UMAD1: variants seen among roughly 807,000 people sequenced by gnomAD.
UMAD1 encodes the protein UBAP1-MVB12-associated (UMA) domain containing 1.
Under a neutral mutation model 6.1 loss-of-function variants are expected in UMAD1, and 8 were observed. That is an observed-to-expected ratio of 1.30 (90% CI 0.76 to 2.35). The LOEUF (loss-of-function observed/expected upper bound fraction) is 2.35. Ranked by LOEUF, UMAD1 falls within the 30% of genes most tolerant of loss-of-function variation. UMAD1 has a pLI of 0.00. For missense variants in UMAD1, 130 were observed against 78.4 expected (o/e 1.66, Z -2.49); for synonymous variants, 56 against 31.4 (o/e 1.78, Z -2.61).
At chr7:7,871,847 A>C (rs938068829) in intron 3 of UMAD1, among the ~76,000 whole-genome samples, 1 of 31,504 alleles carries the variant, frequency 3.2e-5, no homozygotes, top group Non-Finnish European at 4.8e-5. Context: ...GAGAATTGTC[A>C]AAAAAAAAAA....
At chr7:7,706,228 C>T (rs1263485357) in intron 2 of UMAD1, among the ~76,000 whole-genome samples, 3 of 152,056 alleles carry the variant, frequency 2.0e-5, no homozygotes, top group East Asian at 3.9e-4. Context: ...AACGGATAAT[C>T]ACCTTCTGAG....
At chr7:7,869,883 G>A (rs530923714) in intron 3 of UMAD1, among the ~76,000 whole-genome samples, 7 of 152,078 alleles carry the variant, frequency 4.6e-5, no homozygotes, top group South Asian at 2.1e-4. Flanking sequence ...CTGTTGCTCT[G>A]GGGAAGTGAC....
At chr7:7,768,174 AT>A (rs1234021556) in intron 2 of UMAD1, among the ~76,000 whole-genome samples, 1 of 152,162 alleles carries the variant, frequency 6.6e-6, no homozygotes, top group African/African-American at 2.4e-5. Flanking sequence ...ACCCTGGCAG[AT>A]TTATCAAATT....
intron 2 of UMAD1, among the ~76,000 whole-genome samples, chr7:7,801,080 G>C (rs1337094605): frequency 6.6e-6 from 1 of 152,192 alleles, no homozygotes; most frequent in Non-Finnish European, 1.5e-5. Context: ...CTTCAAGCCA[G>C]CCTACTCACC....
At chr7:7,708,699 A>G (rs1022797282) in intron 2 of UMAD1, among the ~76,000 whole-genome samples, 2 of 152,222 alleles carry the variant, frequency 1.3e-5, no homozygotes, top group African/African-American at 2.4e-5. Context: ...ATTATATTTT[A>G]TAATTAGTAA....
intron 2 of UMAD1, among the ~76,000 whole-genome samples, chr7:7,737,987 C>T (rs898381043): frequency 1.3e-5 from 2 of 152,176 alleles, no homozygotes; most frequent in South Asian, 2.1e-4. Context: ...TCCTGCTAGT[C>T]ACCTTAAAAC....
chr7:7,726,718 A>G (rs561383014), intron 2 of UMAD1, among the ~76,000 whole-genome samples: 1 of 152,304 alleles, frequency 6.6e-6, no homozygotes, highest in South Asian at 2.1e-4. Flanking sequence ...TTAGTTCCAG[A>G]GGGAGAAATG....
intron 2 of UMAD1, among the ~76,000 whole-genome samples, chr7:7,715,455 T>C (rs1486177728): frequency 6.6e-6 from 1 of 152,204 alleles, no homozygotes; most frequent in African/African-American, 2.4e-5. Context: ...GGAAGTGCAC[T>C]CTTATTTCAA....
chr7:7,788,244 T>TG (rs1283746315), intron 2 of UMAD1, among the ~76,000 whole-genome samples: 4 of 152,164 alleles, frequency 2.6e-5, no homozygotes, highest in African/African-American at 9.7e-5. Context: ...AAAGCAGACA[T>TG]GCGTTTTATT....
At chr7:7,670,220 A>G (rs1779572131) in intron 1 of UMAD1, among the ~76,000 whole-genome samples, 1 of 152,200 alleles carries the variant, frequency 6.6e-6, no homozygotes, top group Admixed American at 6.5e-5. Context: ...TATTAAAACT[A>G]CTTTTGTGAT....
chr7:7,814,718 C>T (rs1783091023), intron 3 of UMAD1, among the ~76,000 whole-genome samples: 1 of 152,072 alleles, frequency 6.6e-6, no homozygotes, highest in Non-Finnish European at 1.5e-5. Flanking sequence ...GCTCCTCTTT[C>T]AAATCTCTGA....
intron 2 of UMAD1, among the ~76,000 whole-genome samples, chr7:7,726,749 G>A (rs1428469880): frequency 5.9e-5 from 9 of 152,144 alleles, no homozygotes; most frequent in African/African-American, 1.9e-4. Flanking sequence ...ACACAACAAC[G>A]ATTCCATTAA....
intron 3 of UMAD1, among the ~76,000 whole-genome samples, chr7:7,874,325 C>T (rs1784379466): frequency 6.6e-6 from 1 of 152,222 alleles, no homozygotes; most frequent in African/African-American, 2.4e-5. Flanking sequence ...GGCCACCCCA[C>T]CTCTACTATC....
At chr7:7,760,507 A>G (rs978176738) in intron 2 of UMAD1, among the ~76,000 whole-genome samples, 1 of 151,828 alleles carries the variant, frequency 6.6e-6, no homozygotes, top group African/African-American at 2.4e-5. Flanking sequence ...TGGAATACCA[A>G]CCAAAGCCAA....
Position 7,677,705 on chromosome 7 carries a change from G to A in UMAD1, c.82+4252G>A, listed in dbSNP as rs1287555439. On this transcript the variant is annotated intron_variant, in intron 2 of 3. Transcript: ENST00000682710. ...TTTTTTTTTTTTGAGACGGAGTCTC[G>A]CTCTGTCGCCCAGGCTGGAGTGCAG... Among the ~76,000 whole-genome samples the A allele has an allele frequency of 1.2e-4, 14 of 113,244 alleles. 1 individual carries two copies. Among genetic ancestry groups the A allele is most frequent in the African/African-American group, 2.9e-4 (8 of 27,796 alleles). The allele number at this position is 113,244 out of a possible 152,430, so 74.3% of individuals were successfully genotyped here.
At chr7:7,660,347 A>G (rs1001974846) in intron 1 of UMAD1, among the ~76,000 whole-genome samples, 3 of 152,192 alleles carry the variant, frequency 2.0e-5, no homozygotes, top group African/African-American at 7.2e-5. Context: ...TGCCATTATT[A>G]TGCCAGCTGG....
chr7:7,718,695 T>C (rs1199911588), intron 2 of UMAD1: 1 of 152,214 alleles, frequency 6.6e-6, no homozygotes, highest in Non-Finnish European at 1.5e-5. Context: ...GACATCATTC[T>C]TGACAGATGG....
At chr7:7,721,179 C>T (rs34124547) in intron 2 of UMAD1, among the ~76,000 whole-genome samples, 4 of 152,118 alleles carry the variant, frequency 2.6e-5, no homozygotes, top group Admixed American at 6.5e-5. Context: ...ACTTGATTGA[C>T]GATTTCTAGT....
chr7:7,828,294 G>A (rs937049961), intron 3 of UMAD1, among the ~76,000 whole-genome samples: 3 of 152,134 alleles, frequency 2.0e-5, no homozygotes, highest in Non-Finnish European at 4.4e-5. Context: ...GAGACTGTGT[G>A]GAGTACAGTG....
Sources: gnomAD v4.1 joint callset for allele counts (sites outside exome capture counted in the v4.1 genomes callset) on GRCh38, gnomAD v4.1.1 for gene constraint, MANE v1.5 for transcripts, NCBI Gene and HGNC (gene_info 2026-07-23, HGNC 2026-07-21) for gene names.